The following SYN3 variants were observed in gnomAD, a reference collection of about 807,000 sequenced individuals.
The protein encoded by SYN3 is synapsin-3.
Under a neutral mutation model 65.8 loss-of-function variants are expected in SYN3, and 35 were observed. The observed-to-expected ratio is 0.53, with a 90% confidence interval of 0.41 to 0.70. The LOEUF (loss-of-function observed/expected upper bound fraction) is 0.70. Ranked by LOEUF, SYN3 falls within the 30% of genes least tolerant of loss-of-function variation. The pLI is 0.00. For missense variants in SYN3, 680 were observed against 749.0 expected, an observed-to-expected ratio of 0.91 and a Z score of 1.08; for synonymous variants, 270 against 292.9, an observed-to-expected ratio of 0.92 and a Z score of 0.80.
At chr22:32,780,068 C>CAAAAAAAA (rs130536) in intron 6 of SYN3, among the ~76,000 whole-genome samples, 2 of 72,596 alleles carry the variant, frequency 2.8e-5, no homozygotes, top group Non-Finnish European at 4.8e-5. Context: ...GATTCTGTCT[C>CAAAAAAAA]AAAAAAAAAA....
chr22:32,522,900 T>G (rs1238971728), intron 12 of SYN3, among the ~76,000 whole-genome samples: 2 of 152,176 alleles, frequency 1.3e-5, no homozygotes, highest in Admixed American at 1.3e-4. Flanking sequence ...ACACACTAGA[T>G]CTGCCTGAAG....
chr22:32,995,728 T>C (rs188890599), intron 2 of SYN3, among the ~76,000 whole-genome samples: 29 of 152,222 alleles, frequency 1.9e-4, no homozygotes, highest in African/African-American at 6.7e-4. Flanking sequence ...TGTGGCACTA[T>C]CTCGGCTCAC....
intron 7 of SYN3, among the ~76,000 whole-genome samples, chr22:32,564,296 G>A (rs1199846551): frequency 2.0e-5 from 3 of 152,168 alleles, no homozygotes; most frequent in East Asian, 1.9e-4. Context: ...AAGAGGCCCC[G>A]GGAGGGTTGA....
chr22:32,641,163 T>G (rs2059892476), intron 6 of SYN3, among the ~76,000 whole-genome samples: 1 of 152,210 alleles, frequency 6.6e-6, no homozygotes, highest in African/African-American at 2.4e-5. Flanking sequence ...CAATGGTGAT[T>G]AAATTACAGG....
At chr22:32,825,657 CAAAAAAAAAAAAAAAAAAAAAAAAAAAAA>C (rs130292) in intron 6 of SYN3, among the ~76,000 whole-genome samples, 1 of 28,560 alleles carries the variant, frequency 3.5e-5, no homozygotes, top group South Asian at 2.3e-3. Context: ...GTTTCCATCT[CAAAAAAAAAAAAAAAAAAAAAAAAAAAAA>C]AAAAAAAAAA....
chr22:32,917,743 GCT>G (rs1203433062), intron 4 of SYN3, among the ~76,000 whole-genome samples: 2 of 152,374 alleles, frequency 1.3e-5, no homozygotes, highest in Non-Finnish European at 2.9e-5. Flanking sequence ...TCGGACCCGA[GCT>G]CTCTCTCCCA....
chr22:32,528,048 C>G (rs1457840162), intron 11 of SYN3, 43 bp from the exon 12 acceptor site: 1 of 1,430,288 alleles, frequency 7.0e-7, no homozygotes, highest in East Asian at 2.5e-5. Context: ...TCACCACAGC[C>G]CTTTACTTCC....
At chr22:32,969,931 A>G (rs566012505) in intron 3 of SYN3, among the ~76,000 whole-genome samples, 55 of 152,356 alleles carry the variant, frequency 3.6e-4, no homozygotes, top group African/African-American at 1.3e-3. Flanking sequence ...TGTGTAAATA[A>G]TCAAAACACA....
chr22:32,582,718 G>A (rs1221831318), intron 7 of SYN3, among the ~76,000 whole-genome samples: 2 of 152,050 alleles, frequency 1.3e-5, no homozygotes, highest in African/African-American at 2.4e-5. Context: ...CAGGTGATAC[G>A]GATGCTGCCA....
chr22:32,875,280 C>T lies in SYN3; in HGVS notation c.462-6155G>A, dbSNP rs73403237. ...AGACAGCCCGGCTCTCTGTTGAATC[C>T]GAGGGCCCTCTTTGTAAAGTGCTAG... On this transcript the variant is annotated intron_variant, in intron 4 of 13. Transcript: ENST00000358763. Among the ~76,000 whole-genome samples the T allele has an allele frequency of 8.9e-3, 1,361 of 152,290 alleles. 27 individuals carry two copies. Among genetic ancestry groups the T allele is most frequent in the African/African-American group, 0.031 (1,306 of 41,560 alleles).
chr22:32,866,266 G>A (rs535846761), intron 5 of SYN3, among the ~76,000 whole-genome samples: 34 of 152,326 alleles, frequency 2.2e-4, no homozygotes, highest in Middle Eastern at 3.4e-3. Context: ...TGAAAACAGA[G>A]TAACTAGGAA....
intron 6 of SYN3, among the ~76,000 whole-genome samples, chr22:32,667,121 G>A (rs1213267292): frequency 6.6e-6 from 1 of 152,064 alleles, no homozygotes; most frequent in Non-Finnish European, 1.5e-5. Context: ...CCAAATCTCA[G>A]GGTAACATAC....
intron 1 of SYN3, among the ~76,000 whole-genome samples, chr22:33,033,223 A>C (rs1601938135): frequency 6.6e-6 from 1 of 151,712 alleles, no homozygotes; most frequent in African/African-American, 2.4e-5. Context: ...CTGATCTCGA[A>C]CTCCTGACTT....
chr22:32,549,165 C>T (rs1431596595), intron 7 of SYN3, among the ~76,000 whole-genome samples: 4 of 152,126 alleles, frequency 2.6e-5, no homozygotes, highest in South Asian at 2.1e-4. Flanking sequence ...CAATCGAATG[C>T]TTTGCAGTCA....
At position 32,825,424 on chromosome 22, in the gene SYN3, G is replaced by C. The variant is rs180693378; in HGVS notation, c.711+39491C>G. On this transcript the variant is annotated intron_variant, in intron 6 of 13. Transcript: ENST00000358763. ...GCCTGTAATCCCAGCACTTTGTGAG[G>C]CTGAGGCAGGTGGATCACCAGGTCA... Among the ~76,000 whole-genome samples, 508 of 152,134 alleles carry C rather than the reference G, an allele frequency of 3.3e-3. 1 individual carries two copies. The highest frequency in any genetic ancestry group is 0.012 in the African/African-American group (485 of 41,494).
chr22:32,859,556 CCCCACCCTG>C (rs1490833118), intron 6 of SYN3: 2 of 735,080 alleles, frequency 2.7e-6, no homozygotes, highest in Non-Finnish European at 4.3e-6. Flanking sequence ...ATCCTCCTGG[CCCCACCCTG>C]CCCCTTCTTT....
At chr22:32,959,066 T>G (rs1345376378) in intron 3 of SYN3, among the ~76,000 whole-genome samples, 1 of 152,046 alleles carries the variant, frequency 6.6e-6, no homozygotes, top group African/African-American at 2.4e-5. Context: ...TGATATGGGT[T>G]GGCTGTGTTC....
At chr22:32,931,590 C>T in intron 3 of SYN3, 109 bp from the exon 4 acceptor site, 1 of 720,668 alleles carries the variant, frequency 1.4e-6, no homozygotes. Flanking sequence ...TAAAGCTCCC[C>T]TCAAACTTAG....
At chr22:32,724,652 C>T (rs953626094) in intron 6 of SYN3, among the ~76,000 whole-genome samples, 2 of 152,028 alleles carry the variant, frequency 1.3e-5, no homozygotes, top group South Asian at 2.1e-4. Context: ...GTATTAAATG[C>T]CCAGTAAGTG....
Sources: gnomAD v4.1 joint callset for allele counts (sites outside exome capture counted in the v4.1 genomes callset) on GRCh38, gnomAD v4.1.1 for gene constraint, MANE v1.5 for transcripts, NCBI Gene and HGNC (gene_info 2026-07-23, HGNC 2026-07-21) for gene names.